PCDH15: variants seen among roughly 807,000 people sequenced by gnomAD.
PCDH15 encodes protocadherin-15.
PCDH15 carries 129 observed loss-of-function variants against 178.5 expected under a neutral mutation model. The observed-to-expected ratio is 0.72, with a 90% CI of 0.63 to 0.84. The LOEUF is 0.84. PCDH15 is among the 40% of genes least tolerant of loss of function. PCDH15 has a pLI of 0.00. For missense variants in PCDH15, 2,230 were observed against 2,099.9 expected, an observed-to-expected ratio of 1.06 and a Z score of -1.21; for synonymous variants, 800 against 732.0, an observed-to-expected ratio of 1.09 and a Z score of -1.50.
At chr10:54,633,365 C>A (rs2093755380) in intron 2 of PCDH15, among the ~76,000 whole-genome samples, 1 of 152,004 alleles carries the variant, frequency 6.6e-6, no homozygotes, top group African/African-American at 2.4e-5. Context: ...TTTTCTAGTT[C>A]TTTTCAGAAG....
At chr10:54,979,356 G>A (rs1043722974) in intron 2 of PCDH15, among the ~76,000 whole-genome samples, 8 of 152,088 alleles carry the variant, frequency 5.3e-5, no homozygotes, top group African/African-American at 1.9e-4. Flanking sequence ...CTTCAAGAGG[G>A]AGACTAGGAT....
chr10:53,842,760 G>A (rs2077736933), intron 28 of PCDH15, among the ~76,000 whole-genome samples: 2 of 152,266 alleles, frequency 1.3e-5, no homozygotes, highest in Middle Eastern at 3.4e-3. Flanking sequence ...GAATAGGAAA[G>A]TATACTTCTC....
chr10:55,027,500 T>C lies in PCDH15; in HGVS notation c.-79-130000A>G, dbSNP rs1333683953. Among the ~76,000 whole-genome samples, 5 of 151,804 alleles carry C rather than the reference T, an allele frequency of 3.3e-5. No homozygotes were observed. In the East Asian group the frequency reaches 5.8e-4, roughly 18 times the overall value. On this transcript the variant is annotated intron_variant, in intron 2 of 5. Transcript: ENST00000458638. Reference sequence around the variant, plus strand: ...CTAGAAATTTCTGTCCTATGAAAAGTAGGTGAAGTTGGATTGTTATTGAGG... The same window carrying C: ...CTAGAAATTTCTGTCCTATGAAAAGCAGGTGAAGTTGGATTGTTATTGAGG...
intron 18 of PCDH15, among the ~76,000 whole-genome samples, chr10:54,034,175 T>C (rs1201328469): frequency 6.6e-6 from 1 of 151,998 alleles, no homozygotes; most frequent in African/African-American, 2.4e-5. Flanking sequence ...CTGGCTAATA[T>C]AATAACTATT....
chr10:54,748,974 T>A (rs1945833211), intron 1 of PCDH15, among the ~76,000 whole-genome samples: 1 of 152,212 alleles, frequency 6.6e-6, no homozygotes, highest in Admixed American at 6.5e-5. Flanking sequence ...TCTTTGTGAA[T>A]GACTGTACCT....
intron 1 of PCDH15, among the ~76,000 whole-genome samples, chr10:55,209,843 T>G (rs1302442972): frequency 6.6e-6 from 1 of 152,108 alleles, no homozygotes; most frequent in Non-Finnish European, 1.5e-5. Context: ...CGATCCATGC[T>G]AAAGATTTGT....
intron 2 of PCDH15, among the ~76,000 whole-genome samples, chr10:55,395,363 T>G (rs1837902692): frequency 6.6e-6 from 1 of 152,122 alleles, no homozygotes; most frequent in Non-Finnish European, 1.5e-5. Context: ...AATCTGATAT[T>G]CAGACTATTA....
At chr10:54,784,856 G>A (rs1019645850) in intron 1 of PCDH15, among the ~76,000 whole-genome samples, 1 of 151,964 alleles carries the variant, frequency 6.6e-6, no homozygotes, top group Non-Finnish European at 1.5e-5. Context: ...ATCTGAAGAT[G>A]AATCTATGTG....
At chr10:54,835,793 A>G (rs1953306212) in intron 3 of PCDH15, among the ~76,000 whole-genome samples, 1 of 152,202 alleles carries the variant, frequency 6.6e-6, no homozygotes, top group Non-Finnish European at 1.5e-5. Flanking sequence ...GGAAATTTTG[A>G]GCTATGTGTC....
At chr10:54,488,323 T>C (rs1220778241) in intron 3 of PCDH15, among the ~76,000 whole-genome samples, 1 of 151,894 alleles carries the variant, frequency 6.6e-6, no homozygotes, top group Non-Finnish European at 1.5e-5. Context: ...AAGTAGAATA[T>C]TAAAATATTG....
intron 2 of PCDH15, among the ~76,000 whole-genome samples, chr10:55,547,009 GA>G (rs890179136): frequency 7.8e-4 from 116 of 149,262 alleles, no homozygotes; most frequent in African/African-American, 2.7e-3. Flanking sequence ...GTTCTGAAAA[GA>G]AAAAAAAAAT....
intron 3 of PCDH15, among the ~76,000 whole-genome samples, chr10:54,423,992 A>T (rs1266934908): frequency 6.6e-6 from 1 of 151,990 alleles, no homozygotes; most frequent in Non-Finnish European, 1.5e-5. Flanking sequence ...AGCAATGGCA[A>T]CAAAAGCCAA....
At chr10:53,992,380 C>T (rs913374941) in intron 21 of PCDH15, among the ~76,000 whole-genome samples, 4 of 152,136 alleles carry the variant, frequency 2.6e-5, no homozygotes, top group Non-Finnish European at 5.9e-5. Flanking sequence ...CCACCAGTTT[C>T]GGAGACAATA....
intron 8 of PCDH15, among the ~76,000 whole-genome samples, chr10:54,313,113 AGTAATT>A (rs997377638): frequency 6.6e-6 from 1 of 152,094 alleles, no homozygotes; most frequent in African/African-American, 2.4e-5. Context: ...AAAATAAAAG[AGTAATT>A]GTTCAAAAAA....
At chr10:55,383,359 T>C (rs1159948086) in intron 2 of PCDH15, among the ~76,000 whole-genome samples, 1 of 151,926 alleles carries the variant, frequency 6.6e-6, no homozygotes, top group Non-Finnish European at 1.5e-5. Context: ...GAGTTTGGGG[T>C]TTTTATGGGT....
chr10:54,309,645 A>C (rs1186328547), intron 8 of PCDH15, among the ~76,000 whole-genome samples: 1 of 151,824 alleles, frequency 6.6e-6, no homozygotes, highest in African/African-American at 2.4e-5. Context: ...AAAATACAAA[A>C]ATTAGCCGGG....
At chr10:54,918,409 T>A (rs1837400463) in intron 2 of PCDH15, among the ~76,000 whole-genome samples, 1 of 152,138 alleles carries the variant, frequency 6.6e-6, no homozygotes, top group Admixed American at 6.5e-5. Context: ...AATTCTCATT[T>A]AAAAAAATAC....
chr10:54,467,337 C>T (rs2077586245), intron 3 of PCDH15, among the ~76,000 whole-genome samples: 1 of 151,522 alleles, frequency 6.6e-6, no homozygotes, highest in South Asian at 2.1e-4. Flanking sequence ...TCATCCTATG[C>T]CTAATTTGTT....
chr10:55,527,893 T>C (rs1841338759), intron 2 of PCDH15, among the ~76,000 whole-genome samples: 1 of 152,072 alleles, frequency 6.6e-6, no homozygotes, highest in South Asian at 2.1e-4. Context: ...CTAATTTGCT[T>C]CTTTATAAAA....
Sources: gnomAD v4.1 joint callset for allele counts (sites outside exome capture counted in the v4.1 genomes callset) on GRCh38, gnomAD v4.1.1 for gene constraint, MANE v1.5 for transcripts, NCBI Gene and HGNC (gene_info 2026-07-23, HGNC 2026-07-21) for gene names.